NKAIN2: variants seen among roughly 807,000 people sequenced by gnomAD.
NKAIN2 encodes the protein sodium/potassium transporting ATPase interacting 2.
Under a neutral mutation model 32.6 loss-of-function variants are expected in NKAIN2, and 14 were observed. That is an observed-to-expected ratio of 0.43 (90% CI 0.28 to 0.67). The LOEUF is 0.67. Ranked by LOEUF, NKAIN2 falls within the 30% of genes least tolerant of loss-of-function variation. The pLI is 0.17. For missense variants in NKAIN2, 198 were observed against 258.3 expected (o/e 0.77, Z 1.60); for synonymous variants, 80 against 87.2 (o/e 0.92, Z 0.46).
At chr6:124,619,207 A>G (rs1021837244) in intron 3 of NKAIN2, among the ~76,000 whole-genome samples, 2 of 152,200 alleles carry the variant, frequency 1.3e-5, no homozygotes, top group Admixed American at 1.3e-4. Context: ...CAGGGGGAAA[A>G]AATGCATTTC....
chr6:124,247,166 G>T (rs189865559), intron 1 of NKAIN2, among the ~76,000 whole-genome samples: 2 of 151,968 alleles, frequency 1.3e-5, no homozygotes, highest in South Asian at 4.1e-4. Context: ...ATGCAAGGGC[G>T]GGGTCATGGA....
chr6:124,632,088 T>C (rs995832128), intron 3 of NKAIN2, among the ~76,000 whole-genome samples: 4 of 152,190 alleles, frequency 2.6e-5, no homozygotes, highest in Non-Finnish European at 5.9e-5. Context: ...TGATTTCCAA[T>C]TTCATATTGG....
chr6:124,422,720 C>T (rs1774811118), intron 3 of NKAIN2, among the ~76,000 whole-genome samples: 1 of 152,188 alleles, frequency 6.6e-6, no homozygotes, highest in South Asian at 2.1e-4. Flanking sequence ...CACATATCCT[C>T]TTTATTTTAC....
chr6:124,004,733 T>G (rs1429646640), intron 1 of NKAIN2, among the ~76,000 whole-genome samples: 3 of 150,294 alleles, frequency 2.0e-5, no homozygotes, highest in Non-Finnish European at 4.4e-5. Flanking sequence ...ATGGGGGAGG[T>G]ATAGCATTAG....
chr6:123,850,102 C>A (rs943025340), intron 1 of NKAIN2, among the ~76,000 whole-genome samples: 1 of 151,208 alleles, frequency 6.6e-6, no homozygotes, highest in Non-Finnish European at 1.5e-5. Flanking sequence ...GCCCGCATGC[C>A]GAGCTGCTTT....
chr6:124,150,062 A>C (rs926459997), intron 1 of NKAIN2, among the ~76,000 whole-genome samples: 1 of 151,508 alleles, frequency 6.6e-6, no homozygotes, highest in African/African-American at 2.4e-5. Flanking sequence ...CCTTGTACCT[A>C]TTCCTTGCGC....
intron 3 of NKAIN2, among the ~76,000 whole-genome samples, chr6:124,573,738 C>T (rs1781222631): frequency 6.6e-6 from 1 of 152,066 alleles, no homozygotes; most frequent in South Asian, 2.1e-4. Context: ...ACATGGACTA[C>T]ATATATATGA....
chr6:124,202,133 AG>A (rs1240074307), intron 1 of NKAIN2, among the ~76,000 whole-genome samples: 1 of 151,812 alleles, frequency 6.6e-6, no homozygotes, highest in East Asian at 1.9e-4. Context: ...TTTAACTAGC[AG>A]GGCCATTATT....
At chr6:124,664,818 A>G (rs1161119283) in intron 4 of NKAIN2, among the ~76,000 whole-genome samples, 3 of 149,106 alleles carry the variant, frequency 2.0e-5, no homozygotes, top group African/African-American at 4.9e-5. Flanking sequence ...AAAAAAAAAA[A>G]AAAAAAAAAA....
At chr6:124,308,179 C>T (rs1796584357) in intron 2 of NKAIN2, among the ~76,000 whole-genome samples, 1 of 145,338 alleles carries the variant, frequency 6.9e-6, no homozygotes, top group African/African-American at 2.7e-5. Flanking sequence ...GCCTGATGTT[C>T]CCCTCCCTGT....
intron 1 of NKAIN2, among the ~76,000 whole-genome samples, chr6:123,945,940 G>A (rs1777042091): frequency 6.6e-6 from 1 of 152,032 alleles, no homozygotes; most frequent in African/African-American, 2.4e-5. Flanking sequence ...GTAATTTATG[G>A]TAACATCTGT....
At chr6:124,565,373 T>A (rs774671454) in intron 3 of NKAIN2, among the ~76,000 whole-genome samples, 1 of 152,216 alleles carries the variant, frequency 6.6e-6, no homozygotes, top group Non-Finnish European at 1.5e-5. Context: ...CTCACCTTAA[T>A]ATAATTCATA....
intron 1 of NKAIN2, among the ~76,000 whole-genome samples, chr6:124,207,644 A>G (rs1388634069): frequency 1.3e-5 from 2 of 151,834 alleles, no homozygotes; most frequent in Non-Finnish European, 1.5e-5. Context: ...TTAGGAAAGA[A>G]TGAGTAAATG....
chr6:124,605,213 T>C (rs771861757), intron 3 of NKAIN2, among the ~76,000 whole-genome samples: 4 of 152,070 alleles, frequency 2.6e-5, no homozygotes, highest in Non-Finnish European at 5.9e-5. Flanking sequence ...CCAGGAAACT[T>C]CTGTACTGGT....
intron 4 of NKAIN2, among the ~76,000 whole-genome samples, chr6:124,670,949 C>T (rs1298219392): frequency 6.6e-6 from 1 of 152,030 alleles, no homozygotes. Flanking sequence ...CTTAGTCTTT[C>T]ATCATTTGGT....
intron 1 of NKAIN2, among the ~76,000 whole-genome samples, chr6:124,091,091 A>G (rs1784397895): frequency 6.6e-6 from 1 of 152,028 alleles, no homozygotes; most frequent in South Asian, 2.1e-4. Context: ...TACATAGTCC[A>G]TGTAACCAAA....
chr6:124,692,418 G>A (rs893150537), intron 4 of NKAIN2, among the ~76,000 whole-genome samples: 5 of 152,034 alleles, frequency 3.3e-5, no homozygotes, highest in African/African-American at 4.8e-5. Context: ...TGAGATAAAT[G>A]AGCACAAAAT....
intron 1 of NKAIN2, among the ~76,000 whole-genome samples, chr6:124,115,672 A>G (rs1785574835): frequency 6.6e-6 from 1 of 152,080 alleles, no homozygotes; most frequent in African/African-American, 2.4e-5. Flanking sequence ...AAATCAGTAA[A>G]CGAGTTAACT....
intron 3 of NKAIN2, among the ~76,000 whole-genome samples, chr6:124,438,756 C>T (rs537919062): frequency 6.6e-6 from 1 of 152,296 alleles, no homozygotes; most frequent in South Asian, 2.1e-4. Flanking sequence ...GTCTGTCTTA[C>T]TTGCTGTATC....
Sources: gnomAD v4.1 joint callset for allele counts (sites outside exome capture counted in the v4.1 genomes callset) on GRCh38, gnomAD v4.1.1 for gene constraint, MANE v1.5 for transcripts, NCBI Gene and HGNC (gene_info 2026-07-23, HGNC 2026-07-21) for gene names.